Variants in ATP7A observed in about 807,000 individuals in gnomAD.
The protein encoded by ATP7A is ATPase copper transporting alpha, also known as copper-transporting ATPase 1.
A neutral mutation model predicts 83.5 loss-of-function variants in ATP7A; 7 were observed. The ratio of observed to expected loss-of-function variants is 0.08; its 90% confidence interval spans 0.05 to 0.16. The LOEUF (loss-of-function observed/expected upper bound fraction) is 0.16, where lower values mean the gene tolerates loss of function less well. Among genes scored for constraint, ATP7A ranks in the 10% least tolerant of loss-of-function variants. The pLI is 1.00. For missense variants in ATP7A, 940 were observed against 1,120.8 expected (o/e 0.84, Z 2.30); for synonymous variants, 354 against 395.2 (o/e 0.90, Z 1.24).
chrX:77,947,111 C>T (rs1271074782), intron 1 of ATP7A, among the ~76,000 whole-genome samples: 1 of 111,840 alleles, frequency 8.9e-6, no homozygotes, highest in African/African-American at 3.2e-5. Context: ...ACACATGATA[C>T]TACATGGGTG....
intron 2 of ATP7A, among the ~76,000 whole-genome samples, chrX:77,980,839 T>G (rs1214690706): frequency 9.0e-6 from 1 of 111,163 alleles, no homozygotes; most frequent in African/African-American, 3.3e-5. Context: ...TGGCTAATTT[T>G]TGTACTTTTA....
In ATP7A at chrX:78,046,375, T is replaced by C. The variant is rs2149114009; in HGVS notation, c.4308T>C (p.Val1436=). The C allele has an allele frequency of 8.3e-7, 1 of 1,211,296 alleles. No individual in the cohort carries two copies. Among genetic ancestry groups the C allele is most frequent in the Non-Finnish European group, 1.1e-6 (1 of 895,045 alleles). ...IGQKSPSEIS[V]HVGIDDTSRN... ...AGAAGAGTCCTTCAGAAATCAGCGT[T>C]CATGTTGGAATAGATGATACCTCAA... Residue 1436 remains valine, a synonymous_variant, in exon 23 of 23, where the codon GTT becomes GTC. Transcript: ENST00000341514.
chrX:77,912,857 G>A (rs1239898640), intron 1 of ATP7A, among the ~76,000 whole-genome samples: 3 of 111,203 alleles, frequency 2.7e-5, no homozygotes, highest in East Asian at 5.6e-4. Flanking sequence ...ATTCTATTCC[G>A]ATCACAGCCT....
intron 5 of ATP7A, among the ~76,000 whole-genome samples, chrX:78,000,558 T>C (rs1275481434): frequency 9.2e-6 from 1 of 108,242 alleles, no homozygotes; most frequent in East Asian, 2.8e-4. Context: ...CTAAGTAGCA[T>C]TGGTCTTCTC....
chrX:77,970,026 G>A (rs1288752400), intron 1 of ATP7A, among the ~76,000 whole-genome samples: 4 of 111,820 alleles, frequency 3.6e-5, no homozygotes, highest in Non-Finnish European at 5.6e-5. Flanking sequence ...TTCTGGCTCA[G>A]GGTGTCTCAT....
At chrX:77,976,411 G>C (rs1603379544) in intron 2 of ATP7A, among the ~76,000 whole-genome samples, 1 of 111,999 alleles carries the variant, frequency 8.9e-6, no homozygotes, top group African/African-American at 3.2e-5. Flanking sequence ...CTTTATCTCT[G>C]CAGTATTCTT....
intron 4 of ATP7A, among the ~76,000 whole-genome samples, chrX:77,997,153 C>T (rs889655112): frequency 1.8e-5 from 2 of 112,097 alleles, no homozygotes; most frequent in Admixed American, 9.5e-5. Flanking sequence ...GACTTGTACA[C>T]GTACCTCCTG....
At chrX:78,011,888 T>C in intron 9 of ATP7A, 2 of 448,526 alleles carry the variant, frequency 4.5e-6, no homozygotes, top group Non-Finnish European at 7.8e-6. Context: ...TTTTTGGGTT[T>C]GGTATTTATA....
intron 2 of ATP7A, among the ~76,000 whole-genome samples, chrX:77,987,488 C>T (rs868961577): frequency 1.7e-5 from 1 of 59,282 alleles, no homozygotes; most frequent in Non-Finnish European, 3.0e-5. Flanking sequence ...GTGTGTGTGT[C>T]TTCATCATGA....
chrX:77,924,060 T>G (rs1215255722), intron 1 of ATP7A: 1 of 111,483 alleles, frequency 9.0e-6, no homozygotes, highest in African/African-American at 3.3e-5. Context: ...AACTCCCTTT[T>G]AAGTACCGCA....
At chrX:78,028,641 A>G (rs1488360195) in intron 14 of ATP7A, among the ~76,000 whole-genome samples, 1 of 112,459 alleles carries the variant, frequency 8.9e-6, no homozygotes, top group Non-Finnish European at 1.9e-5. Context: ...ACAGACCAGC[A>G]AGTAGCTTGG....
At chrX:77,917,250 G>C (rs1395525109) in intron 1 of ATP7A, among the ~76,000 whole-genome samples, 2 of 111,987 alleles carry the variant, frequency 1.8e-5, no homozygotes, top group African/African-American at 6.5e-5. Context: ...TTGGGGAGGA[G>C]CACTGCAAGT....
chrX:77,998,285 G>A (rs1557232750), intron 4 of ATP7A, among the ~76,000 whole-genome samples, 193 bp from the exon 5 acceptor site: 2 of 111,736 alleles, frequency 1.8e-5, no homozygotes, highest in Non-Finnish European at 3.8e-5. Context: ...TGGGAATTGG[G>A]ATGGGAAGTA....
At chrX:77,983,400 T>C (rs996425057) in intron 2 of ATP7A, among the ~76,000 whole-genome samples, 1 of 111,909 alleles carries the variant, frequency 8.9e-6, no homozygotes, top group Non-Finnish European at 1.9e-5. Flanking sequence ...TCTTTGTGGG[T>C]TTATGCAAAT....
At chrX:78,009,839 T>C (rs1394725857) in intron 7 of ATP7A, among the ~76,000 whole-genome samples, 1 of 112,068 alleles carries the variant, frequency 8.9e-6, no homozygotes, top group Non-Finnish European at 1.9e-5. Context: ...CACGCACCCA[T>C]AGTATTAATC....
chrX:77,976,949 C>T (rs868988314), intron 2 of ATP7A, among the ~76,000 whole-genome samples: 71 of 111,067 alleles, frequency 6.4e-4, no homozygotes, highest in African/African-American at 2.2e-3. Flanking sequence ...TGCTTCTTCC[C>T]GGCAACATCC....
chrX:77,960,189 T>G (rs782739156), intron 1 of ATP7A, among the ~76,000 whole-genome samples: 71 of 112,003 alleles, frequency 6.3e-4, no homozygotes, highest in African/African-American at 2.3e-3. Context: ...GAGATCAGCC[T>G]GGCCAACATG....
Position 77,912,086 on chromosome X carries a change from T to G in ATP7A, c.-22+1251T>G, listed in dbSNP as rs2077163684. ...CTTATCACATCCTTTTCAATGGTTA[T>G]TTTTGAACTGGCATTTTATTATATT... On this transcript the variant is annotated intron_variant, in intron 1 of 22. Transcript: ENST00000341514. Among the ~76,000 whole-genome samples the G allele has an allele frequency of 2.7e-5, 3 of 112,635 alleles. No homozygotes were observed. In the Admixed American group the frequency reaches 2.8e-4, roughly 11 times the overall value.
intron 4 of ATP7A, among the ~76,000 whole-genome samples, chrX:77,997,560 A>C (rs2077712187): frequency 9.0e-6 from 1 of 111,031 alleles, no homozygotes; most frequent in African/African-American, 3.3e-5. Flanking sequence ...AGACTAGTGG[A>C]AATTTGCTCT....
Sources: gnomAD v4.1 joint callset for allele counts (sites outside exome capture counted in the v4.1 genomes callset) on GRCh38, gnomAD v4.1.1 for gene constraint, MANE v1.5 for transcripts, NCBI Gene and HGNC (gene_info 2026-07-23, HGNC 2026-07-21) for gene names.